MAP3K20: variants seen among roughly 807,000 people sequenced by gnomAD.
The protein encoded by MAP3K20 is HCCS-4.
In MAP3K20, 40 loss-of-function variants were observed where a neutral mutation model predicts 85.7. The ratio of observed to expected loss-of-function variants is 0.47; its 90% CI spans 0.36 to 0.61. The LOEUF is 0.61. Ranked by LOEUF, MAP3K20 falls within the 20% of genes least tolerant of loss-of-function variation. MAP3K20 has a pLI of 0.00. For missense variants in MAP3K20, 817 were observed against 961.7 expected (o/e 0.85, Z 1.99); for synonymous variants, 325 against 327.7 (o/e 0.99, Z 0.09).
At chr2:173,076,122 C>T (rs1686848177) in intron 1 of MAP3K20, 120 bp downstream of exon 1, 3 of 740,932 alleles carry the variant, frequency 4.0e-6, no homozygotes, top group Non-Finnish European at 4.9e-6. Context: ...GTCTAGGCGG[C>T]CTCGGGAGGC....
At chr2:173,201,620 G>T (rs1335952996) in intron 8 of MAP3K20, among the ~76,000 whole-genome samples, 1 of 152,140 alleles carries the variant, frequency 6.6e-6, no homozygotes, top group Non-Finnish European at 1.5e-5. Flanking sequence ...GCCTAATTTA[G>T]TGATTGGGAA....
chr2:173,226,815 ATTCT>A (rs1684402448), intron 11 of MAP3K20: 2 of 983,676 alleles, frequency 2.0e-6, no homozygotes, highest in Middle Eastern at 5.2e-4. Context: ...AAATATTTAT[ATTCT>A]TTGAGTGTGA....
In MAP3K20 at chr2:173,232,252, AT is replaced by A. The variant is rs747267805; in HGVS notation, c.1063+31del. 27 of 1,614,060 alleles carry A rather than the reference AT, an allele frequency of 1.7e-5. No homozygotes were observed. In the African/African-American group the frequency reaches 3.1e-4, roughly 18 times the overall value. On this transcript the variant is annotated intron_variant, in intron 13 of 19. Transcript: ENST00000375213. ...GTGGAATAAGTTACCTTCTTCAATCATGGAGTTAACTTTGTTTTGGATGTGA... is the reference window on the plus strand; with the variant it reads ...GTGGAATAAGTTACCTTCTTCAATCAGGAGTTAACTTTGTTTTGGATGTGA...
chr2:173,212,887 A>T (rs1374839275), intron 10 of MAP3K20: 1 of 152,110 alleles, frequency 6.6e-6, no homozygotes, highest in African/African-American at 2.4e-5. Flanking sequence ...AAAAGGGTAA[A>T]CCAGAAATGG....
intron 2 of MAP3K20, among the ~76,000 whole-genome samples, chr2:173,094,990 A>T (rs1327713708): frequency 6.6e-6 from 1 of 152,230 alleles, no homozygotes; most frequent in Non-Finnish European, 1.5e-5. Flanking sequence ...ATAGTACTAT[A>T]ACAGTTTACT....
upstream of MAP3K20, chr2:173,075,655 C>A (rs1686824782): frequency 4.5e-6 from 4 of 880,030 alleles, no homozygotes; most frequent in Admixed American, 1.2e-4. Flanking sequence ...ACGGCCCTCC[C>A]CCCACAGCAA....
At chr2:173,131,592 T>C (rs1688619340) in intron 2 of MAP3K20, among the ~76,000 whole-genome samples, 1 of 152,246 alleles carries the variant, frequency 6.6e-6, no homozygotes, top group African/African-American at 2.4e-5. Context: ...TAGGCAGGGT[T>C]CTTTATTTCA....
At position 173,267,921 on chromosome 2, in the gene MAP3K20, A is replaced by G. The variant is rs1381477478; in HGVS notation, c.*1171A>G. On this transcript the variant is annotated 3_prime_UTR_variant, in exon 20 of 20. Transcript: ENST00000375213. The stretch of plus-strand genomic sequence containing the variant: ...CTTAGGGCAGAAATGGTGGGATCCA[A>G]CTTGTGAAATGCTTCATGTTTTACA... The G allele has an allele frequency of 4.6e-5, 7 of 152,246 alleles. No individual in the cohort carries two copies. Among genetic ancestry groups the G allele is most frequent in the Admixed American group, 1.3e-4 (2 of 15,288 alleles). 9.4% of individuals were successfully genotyped at this position (152,246 alleles called of 1,614,324 possible).
chr2:173,146,964 CA>C (rs1170633770), intron 2 of MAP3K20, among the ~76,000 whole-genome samples: 1 of 152,160 alleles, frequency 6.6e-6, no homozygotes, highest in African/African-American at 2.4e-5. Context: ...TAATGACGGT[CA>C]GCATCTTTCC....
chr2:173,132,499 C>T (rs937186028), intron 2 of MAP3K20, among the ~76,000 whole-genome samples: 15 of 152,160 alleles, frequency 9.9e-5, no homozygotes, highest in South Asian at 4.1e-4. Flanking sequence ...GCCCCTCAGG[C>T]GCTTCTTGTC....
At chr2:173,192,876 G>A (rs956720904) in intron 7 of MAP3K20, 1 of 152,150 alleles carries the variant, frequency 6.6e-6, no homozygotes, top group African/African-American at 2.4e-5. Flanking sequence ...GTTGAAATAG[G>A]AACAAGCAAA....
intron 16 of MAP3K20, among the ~76,000 whole-genome samples, chr2:173,251,419 T>A (rs1441123794): frequency 6.6e-6 from 1 of 152,190 alleles, no homozygotes; most frequent in Non-Finnish European, 1.5e-5. Flanking sequence ...CAAAGCCAAA[T>A]GACCTGGCTA....
chr2:173,243,890 T>G (rs1325027396), intron 16 of MAP3K20, among the ~76,000 whole-genome samples: 3 of 152,180 alleles, frequency 2.0e-5, no homozygotes, highest in Non-Finnish European at 4.4e-5. Flanking sequence ...CCTCCCAAAG[T>G]GCTGGGATTA....
chr2:173,252,409 T>C (rs1255560068), intron 16 of MAP3K20, among the ~76,000 whole-genome samples: 2 of 152,216 alleles, frequency 1.3e-5, no homozygotes, highest in South Asian at 2.1e-4. Flanking sequence ...TGCTTTCTCA[T>C]CCTCCATTAG....
chr2:173,234,843 G>A (rs56161062), intron 14 of MAP3K20, among the ~76,000 whole-genome samples: 5,382 of 152,274 alleles, frequency 0.035, 325 homozygotes, highest in African/African-American at 0.12. Flanking sequence ...ACCAGCTGTT[G>A]GGAGTATTGA....
At chr2:173,122,520 G>A (rs578256725) in intron 2 of MAP3K20, among the ~76,000 whole-genome samples, 2 of 152,250 alleles carry the variant, frequency 1.3e-5, no homozygotes, top group South Asian at 2.1e-4. Flanking sequence ...TATGCCTGTG[G>A]CAGCACTGCA....
At chr2:173,163,270 C>G (rs920637745) in intron 2 of MAP3K20, among the ~76,000 whole-genome samples, 2 of 152,188 alleles carry the variant, frequency 1.3e-5, no homozygotes, top group Non-Finnish European at 2.9e-5. Context: ...AATCCTCACC[C>G]TCCTCCCACC....
chr2:173,145,373 A>G (rs1378831178), intron 2 of MAP3K20, among the ~76,000 whole-genome samples: 3 of 152,248 alleles, frequency 2.0e-5, no homozygotes, highest in Admixed American at 6.5e-5. Flanking sequence ...ATAATGAGAT[A>G]TATCTGTCAA....
At chr2:173,189,158 T>A (rs1240977924) in intron 5 of MAP3K20, among the ~76,000 whole-genome samples, 1 of 152,222 alleles carries the variant, frequency 6.6e-6, no homozygotes, top group Non-Finnish European at 1.5e-5. Flanking sequence ...TTCTATGTTA[T>A]GTATTTTTAT....
Sources: gnomAD v4.1 joint callset for allele counts (sites outside exome capture counted in the v4.1 genomes callset) on GRCh38, gnomAD v4.1.1 for gene constraint, MANE v1.5 for transcripts, NCBI Gene and HGNC (gene_info 2026-07-23, HGNC 2026-07-21) for gene names.